Variants in ARRB1 observed in about 807,000 individuals in gnomAD.
ARRB1 encodes arrestin beta 1, also known as beta-arrestin-1.
A neutral mutation model predicts 56.8 loss-of-function variants in ARRB1; 21 were observed. The observed-to-expected ratio is 0.37, with a 90% confidence interval of 0.26 to 0.53. ARRB1 has a LOEUF of 0.53. Among genes scored for constraint, ARRB1 ranks in the 20% least tolerant of loss-of-function variants. The pLI is 0.88. For missense variants in ARRB1, 424 were observed against 553.7 expected (o/e 0.77, Z 2.35); for synonymous variants, 210 against 218.6 (o/e 0.96, Z 0.35).
In ARRB1 at chr11:75,341,485, C is replaced by T. The variant is rs534919452; in HGVS notation, c.20+10103G>A. Among the ~76,000 whole-genome samples the T allele has an allele frequency of 4.6e-5, 7 of 152,210 alleles. No individual in the cohort carries two copies. The East Asian group carries it at 1.4e-3, about 29-fold the overall frequency. On this transcript the variant is annotated intron_variant, in intron 1 of 15. Transcript: ENST00000420843. ...CTTACCCTCTCTGCCCACAGAAACC[C>T]CATTAATATTATTATACCTATTTCC...
intron 1 of ARRB1, among the ~76,000 whole-genome samples, chr11:75,314,972 C>T (rs531793): frequency 0.2 from 30,244 of 152,072 alleles, 3,561 homozygotes; most frequent in Non-Finnish European, 0.28. Context: ...CAGAGAGGCC[C>T]GTGGTAGATG....
chr11:75,318,748 A>G (rs1947302327), intron 1 of ARRB1, among the ~76,000 whole-genome samples: 2 of 151,590 alleles, frequency 1.3e-5, no homozygotes, highest in South Asian at 4.2e-4. Context: ...TGGCACTGGG[A>G]TTATAGGAGT....
rs547636362 is a variant in ARRB1 at position 75,272,183 on chromosome 11, C to G, written c.999-459G>C. Among the ~76,000 whole-genome samples, 23 of 152,364 alleles carry G rather than the reference C, an allele frequency of 1.5e-4. No individual in the cohort carries two copies. In the East Asian group the frequency reaches 4.4e-3, roughly 29 times the overall value. The stretch of plus-strand genomic sequence containing the variant: ...TTACATACTGCCACCTGCCAAGAGG[C>G]ATTCTTCTAATAATCAAGGAGACCC... On this transcript the variant is annotated intron_variant, in intron 12 of 15. Transcript: ENST00000420843.
At chr11:75,289,746 C>T (rs1222610634) in intron 2 of ARRB1, among the ~76,000 whole-genome samples, 1 of 152,204 alleles carries the variant, frequency 6.6e-6, no homozygotes, top group East Asian at 1.9e-4. Context: ...ACTGAAGTCT[C>T]TCTATGACAG....
In ARRB1 at chr11:75,332,616, G is replaced by C. The variant is rs535677865; in HGVS notation, c.20+18972C>G. On this transcript the variant is annotated intron_variant, in intron 1 of 15. Transcript: ENST00000420843. The stretch of plus-strand genomic sequence containing the variant: ...AAATGTTTAAGTTTACCTATAGCTG[G>C]CCAGGCGCGGTGGCTCACGCCTGTA... 1.2e-4 allele frequency among the ~76,000 whole-genome samples: 18 copies of C among 152,284 alleles called. No homozygotes were observed. The South Asian group carries it at 3.5e-3, about 30-fold the overall frequency.
In ARRB1 at chr11:75,262,913, A is replaced by G. The variant is rs564772067; in HGVS notation, c.*3250T>C. ...TGAGGCTGAGGAGAGGTGCAGCCAA[A>G]TAACTCAGTCCTTATCTTCATGGGG... On this transcript the variant is annotated 3_prime_UTR_variant, in exon 16 of 16. Coordinates refer to ENST00000420843, the MANE Select transcript of ARRB1 (RefSeq NM_004041.5). Among the ~76,000 whole-genome samples, 17 of 152,330 alleles carry G rather than the reference A, an allele frequency of 1.1e-4. No individual in the cohort carries two copies. The South Asian group carries it at 3.1e-3, about 28-fold the overall frequency.
chr11:75,300,355 C>T (rs1397757389), intron 1 of ARRB1, among the ~76,000 whole-genome samples: 2 of 152,182 alleles, frequency 1.3e-5, no homozygotes, highest in Non-Finnish European at 2.9e-5. Context: ...TTACTATCAT[C>T]CCATTTCACA....
At chr11:75,306,065 T>G (rs931524467) in intron 1 of ARRB1, among the ~76,000 whole-genome samples, 1 of 152,038 alleles carries the variant, frequency 6.6e-6, no homozygotes, top group Admixed American at 6.5e-5. Context: ...GGCAAAGGTC[T>G]CAACCCTCAC....
Position 75,297,636 on chromosome 11 carries a change from G to A in ARRB1, c.21-7597C>T, listed in dbSNP as rs544509055. 9.9e-5 allele frequency among the ~76,000 whole-genome samples: 15 copies of A among 151,816 alleles called. No homozygotes were observed. In the South Asian group the frequency reaches 1.3e-3, roughly 13 times the overall value. ...TCCCAGCACTTTGGGAGGCTGAGGC[G>A]GGCAGATCACCTGAGGTCAGGAGTC... On this transcript the variant is annotated intron_variant, in intron 1 of 15. Coordinates refer to ENST00000420843, the MANE Select transcript of ARRB1 (RefSeq NM_004041.5).
rs1312825176 is a variant in ARRB1, at chr11:75,263,720, G to T, written c.*2443C>A. 6.7e-6 allele frequency among the ~76,000 whole-genome samples: 1 copy of T among 150,204 alleles called. No homozygotes were observed. The highest frequency in any genetic ancestry group is 2.1e-4 in the South Asian group (1 of 4,762). On this transcript the variant is annotated 3_prime_UTR_variant, in exon 16 of 16. Transcript: ENST00000420843. ...TTCAACTAAATTTGGCCATTGCCTT[G>T]TGCAGTCCTGGCTCCAGGAGAAAAA...
At chr11:75,290,149 G>A in intron 1 of ARRB1, 110 bp from the exon 2 acceptor site, 1 of 1,335,128 alleles carries the variant, frequency 7.5e-7, no homozygotes, top group Non-Finnish European at 1.1e-6. Flanking sequence ...GTGACTGACA[G>A]GCACCATGCA....
At chr11:75,270,655 T>C (rs1440050974) in intron 13 of ARRB1, among the ~76,000 whole-genome samples, 1 of 149,966 alleles carries the variant, frequency 6.7e-6, no homozygotes, top group Non-Finnish European at 1.5e-5. Flanking sequence ...TAGCTGGGCA[T>C]AGTAGAGCAC....
rs58741836 is a variant in ARRB1 at position 75,306,677 on chromosome 11, G to T, written c.21-16638C>A. 0.01 allele frequency: 13,096 copies of T among 1,283,546 alleles called. 1,125 individuals are homozygous for T. The African/African-American group carries it at 0.18, about 18-fold the overall frequency. 79.5% of individuals were successfully genotyped at this position (1,283,546 alleles called of 1,614,324 possible). A position where few individuals can be genotyped will look rare whatever the true frequency, so the allele number is the denominator to read the frequency against. On this transcript the variant is annotated intron_variant, in intron 1 of 15. Coordinates refer to ENST00000420843, the MANE Select transcript of ARRB1 (RefSeq NM_004041.5). ...TGGGGGCTGCAGGCAGCAGCAGCCA[G>T]GCCAGGGCCAGCCCCGCAGGCTCAG...
At chr11:75,270,644 T>A (rs1192990932) in intron 13 of ARRB1, among the ~76,000 whole-genome samples, 1 of 149,304 alleles carries the variant, frequency 6.7e-6, no homozygotes, top group African/African-American at 2.5e-5. Flanking sequence ...AAAAAAAAAA[T>A]TAGCTGGGCA....
chr11:75,351,232 T>C (rs2135015564), intron 1 of ARRB1, among the ~76,000 whole-genome samples: 1 of 152,300 alleles, frequency 6.6e-6, no homozygotes, highest in Non-Finnish European at 1.5e-5. Context: ...GTGCTAGCGG[T>C]TGCCAGTGTG....
At chr11:75,283,038 C>G (rs928846554) in intron 5 of ARRB1, among the ~76,000 whole-genome samples, 1 of 152,220 alleles carries the variant, frequency 6.6e-6, no homozygotes, top group Non-Finnish European at 1.5e-5. Context: ...CACCCCCTTT[C>G]TCCCACCAAT....
chr11:75,295,076 A>G (rs1946701264), intron 1 of ARRB1, among the ~76,000 whole-genome samples: 2 of 152,006 alleles, frequency 1.3e-5, no homozygotes, highest in Admixed American at 1.3e-4. Flanking sequence ...TACAAAAATT[A>G]GCCAGGCACA....
At chr11:75,332,635 G>A (rs2140509373) in intron 1 of ARRB1, among the ~76,000 whole-genome samples, 1 of 152,256 alleles carries the variant, frequency 6.6e-6, no homozygotes, top group East Asian at 1.9e-4. Flanking sequence ...GGTGGCTCAC[G>A]CCTGTAATCC....
intron 3 of ARRB1, among the ~76,000 whole-genome samples, chr11:75,285,744 C>A (rs1192573781): frequency 1.3e-5 from 2 of 152,198 alleles, no homozygotes; most frequent in South Asian, 4.1e-4. Context: ...CTGTGAACAC[C>A]TGCTGAACAG....
Sources: allele counts gnomAD v4.1 joint callset (sites outside exome capture counted in the v4.1 genomes callset), GRCh38; gene constraint gnomAD v4.1.1; transcripts MANE v1.5; gene names NCBI Gene and HGNC (gene_info 2026-07-23, HGNC 2026-07-21).